Variants in COL23A1 observed in about 807,000 individuals in gnomAD.
The protein encoded by COL23A1 is collagen type XXIII alpha 1 chain, also known as collagen alpha-1(XXIII) chain.
COL23A1 carries 97 observed loss-of-function variants against 99.3 expected under a neutral mutation model. The ratio of observed to expected loss-of-function variants is 0.98; its 90% CI spans 0.83 to 1.16. The LOEUF (loss-of-function observed/expected upper bound fraction) is 1.16, where lower values mean the gene tolerates loss of function less well. Among genes scored for constraint, COL23A1 ranks in the 50% most tolerant of loss-of-function variants. COL23A1 has a pLI of 0.00. For missense variants in COL23A1, 762 were observed against 757.4 expected, an observed-to-expected ratio of 1.01 and a Z score of -0.07; for synonymous variants, 320 against 308.2, an observed-to-expected ratio of 1.04 and a Z score of -0.40.
chr5:178,269,478 CCCAT>C (rs1171292766), intron 6 of COL23A1, among the ~76,000 whole-genome samples: 527 of 70,180 alleles, frequency 7.5e-3, no homozygotes, highest in East Asian at 0.018. Flanking sequence ...CATCCACCCA[CCCAT>C]CCACCCACCC....
Position 178,345,045 on chromosome 5 carries a change from G to T in COL23A1, c.362-38126C>A, listed in dbSNP as rs1760883512. The T allele has an allele frequency of 6.8e-6, 4 of 584,070 alleles. No individual in the cohort carries two copies. The African/African-American group carries it at 7.5e-5, about 11-fold the overall frequency. The allele number at this position is 584,070 out of a possible 1,614,324, so 36.2% of individuals were successfully genotyped here. ...TACTCACCACCTGGAGATCTCCAGA[G>T]TCATTTGGAATCTTATGTTAAAGAA... On this transcript the variant is annotated intron_variant, in intron 2 of 28. Coordinates refer to ENST00000390654, the MANE Select transcript of COL23A1 (RefSeq NM_173465.4).
chr5:178,401,835 G>C (rs1764463280), intron 2 of COL23A1, among the ~76,000 whole-genome samples: 1 of 152,100 alleles, frequency 6.6e-6, no homozygotes, highest in Admixed American at 6.6e-5. Context: ...TTTCTTTTGA[G>C]ATGGAGTCTC....
At chr5:178,335,113 A>G (rs1760248968) in intron 2 of COL23A1, among the ~76,000 whole-genome samples, 1 of 152,252 alleles carries the variant, frequency 6.6e-6, no homozygotes, top group Admixed American at 6.5e-5. Context: ...AAACACAGTA[A>G]CGGGAAGTTG....
intron 2 of COL23A1, chr5:178,344,807 G>A (rs1014058059): frequency 5.0e-6 from 3 of 603,648 alleles, no homozygotes; most frequent in Non-Finnish European, 8.9e-6. Flanking sequence ...TCTTTGTTAA[G>A]ATCACTGTAG....
At chr5:178,438,363 T>A (rs1024580644) in intron 2 of COL23A1, among the ~76,000 whole-genome samples, 3 of 152,258 alleles carry the variant, frequency 2.0e-5, no homozygotes, top group Non-Finnish European at 4.4e-5. Flanking sequence ...ATATTGTTTA[T>A]TTAAATTTAC....
Position 178,307,151 on chromosome 5 carries a change from CCCCACGCA to C in COL23A1, c.362-240_362-233del, listed in dbSNP as rs1415168985. Among the ~76,000 whole-genome samples, 7 of 152,162 alleles carry C rather than the reference CCCCACGCA, an allele frequency of 4.6e-5. 1 individual carries two copies. The highest frequency in any genetic ancestry group is 4.1e-4 in the South Asian group (2 of 4,828). On this transcript the variant is annotated intron_variant, in intron 2 of 28. Transcript: ENST00000390654. The surrounding 1 kb of genome is among the most constrained non-coding windows in gnomAD (Gnocchi z 4.2). ...TCCCCAGGTGGCCGCATCCCTCATG[CCCCACGCA>C]CCCATTCTGTCATTCAATCATCGGC...
chr5:178,417,995 G>C (rs1765404640), intron 2 of COL23A1, among the ~76,000 whole-genome samples: 1 of 152,252 alleles, frequency 6.6e-6, no homozygotes, highest in Non-Finnish European at 1.5e-5. Context: ...GATGGGCCCT[G>C]AGGAAGGAGC....
chr5:178,315,097 G>C (rs1165955636), intron 2 of COL23A1, among the ~76,000 whole-genome samples: 1 of 152,148 alleles, frequency 6.6e-6, no homozygotes, highest in Non-Finnish European at 1.5e-5. Flanking sequence ...TGCCCTCCTT[G>C]TGCCATCCAA....
At chr5:178,416,523 G>T (rs551736843) in intron 2 of COL23A1, among the ~76,000 whole-genome samples, 2 of 152,210 alleles carry the variant, frequency 1.3e-5, no homozygotes, top group Non-Finnish European at 2.9e-5. Flanking sequence ...AGGATGATAC[G>T]GAGGGGTTAG....
intron 2 of COL23A1, among the ~76,000 whole-genome samples, chr5:178,520,176 A>G (rs1759861504): frequency 6.6e-6 from 1 of 152,092 alleles, no homozygotes; most frequent in Admixed American, 6.5e-5. Context: ...CAGACGGGTG[A>G]ATGCATCGAA....
intron 24 of COL23A1, 84 bp downstream of exon 24, chr5:178,246,152 AGTGCAGGGACCCAGTGAG>A (rs34435070): frequency 0.24 from 338,286 of 1,393,190 alleles, 40,959 homozygotes; most frequent in African/African-American, 0.43. Context: ...GGCCCTGCGA[AGTGCAGGGACCCAGTGAG>A]GTACAGGGTT....
chr5:178,509,791 T>C (rs1041100627), intron 2 of COL23A1, among the ~76,000 whole-genome samples: 1 of 152,224 alleles, frequency 6.6e-6, no homozygotes, highest in African/African-American at 2.4e-5. Flanking sequence ...CTGGGCCCCT[T>C]AAACAACTGT....
chr5:178,325,339 C>CCAAGGCCCTTCCTGGT (rs1759588017), intron 2 of COL23A1, among the ~76,000 whole-genome samples: 1 of 152,188 alleles, frequency 6.6e-6, no homozygotes, highest in Admixed American at 6.5e-5. Flanking sequence ...CGCTCCCTGG[C>CCAAGGCCCTTCCTGGT]CAGCCTGGAC....
intron 2 of COL23A1, among the ~76,000 whole-genome samples, chr5:178,408,976 AC>A (rs1764915564): frequency 2.2e-4 from 3 of 13,470 alleles, no homozygotes; most frequent in African/African-American, 6.1e-4. Context: ...AAAAAAAAAT[AC>A]ACACACACAC....
At chr5:178,486,590 A>G (rs684612) in intron 2 of COL23A1, among the ~76,000 whole-genome samples, 43,486 of 152,046 alleles carry the variant, frequency 0.29, 7,508 homozygotes, top group East Asian at 0.57. Flanking sequence ...TCTTTCAGGA[A>G]GAGACAGTTG....
intron 2 of COL23A1, among the ~76,000 whole-genome samples, chr5:178,423,448 C>T (rs1227355070): frequency 6.6e-6 from 1 of 152,174 alleles, no homozygotes; most frequent in African/African-American, 2.4e-5. Flanking sequence ...AGGAGACATT[C>T]CACACTTTAT....
At chr5:178,239,923 T>A (rs1355383240) in intron 27 of COL23A1, among the ~76,000 whole-genome samples, 2 of 152,178 alleles carry the variant, frequency 1.3e-5, no homozygotes, top group East Asian at 3.9e-4. Context: ...CTGCCTGATG[T>A]GACGGTCACT....
At chr5:178,429,391 A>C (rs1181958976) in intron 2 of COL23A1, among the ~76,000 whole-genome samples, 1 of 152,208 alleles carries the variant, frequency 6.6e-6, no homozygotes, top group Non-Finnish European at 1.5e-5. Context: ...ACGGTGTGAA[A>C]GAAAAACAAA....
At chr5:178,390,764 C>T (rs1025660646) in intron 2 of COL23A1, among the ~76,000 whole-genome samples, 2 of 152,212 alleles carry the variant, frequency 1.3e-5, no homozygotes, top group African/African-American at 4.8e-5. Context: ...CTGCCTCACA[C>T]CATATGTAGA....
Sources: allele counts gnomAD v4.1 joint callset (sites outside exome capture counted in the v4.1 genomes callset), GRCh38; gene constraint gnomAD v4.1.1; non-coding constraint Gnocchi (gnomAD v3.1); transcripts MANE v1.5; gene names NCBI Gene and HGNC (gene_info 2026-07-23, HGNC 2026-07-21).